The following NFAT5 variants were observed in gnomAD, a reference collection of about 807,000 sequenced individuals.
The protein encoded by NFAT5 is nuclear factor of activated T-cells 5.
A neutral mutation model predicts 166.5 loss-of-function variants in NFAT5; 31 were observed. The ratio of observed to expected loss-of-function variants is 0.19; its 90% CI spans 0.14 to 0.25. The LOEUF is 0.25. Ranked by LOEUF, NFAT5 falls within the 10% of genes least tolerant of loss-of-function variation. The probability of loss-of-function intolerance (pLI) is 1.00; values close to 1 mark genes in which losing one functional copy is unlikely to be tolerated. For synonymous variants in NFAT5, 612 were observed against 639.7 expected (o/e 0.96, Z 0.65); for missense variants, 1,449 against 1,821.8 (o/e 0.80, Z 3.72).
intron 3 of NFAT5, among the ~76,000 whole-genome samples, chr16:69,644,605 T>C (rs888321697): frequency 2.6e-5 from 4 of 152,238 alleles, no homozygotes; most frequent in Admixed American, 6.5e-5. Context: ...CACACACTTA[T>C]GTCTGACTGT....
intron 4 of NFAT5, chr16:69,649,131 C>A: frequency 1.1e-6 from 1 of 880,200 alleles, no homozygotes; most frequent in Non-Finnish European, 1.4e-6. Flanking sequence ...AGAACTATTA[C>A]TTATAAAATA....
At chr16:69,625,962 T>A (rs3848279) in intron 2 of NFAT5, among the ~76,000 whole-genome samples, 40,493 of 146,100 alleles carry the variant, frequency 0.28, 5,742 homozygotes, top group East Asian at 0.5. Flanking sequence ...AATAAAAAAA[T>A]TTTTTTTTTT....
At chr16:69,622,884 G>A (rs1433552244) in intron 2 of NFAT5, among the ~76,000 whole-genome samples, 8 of 151,074 alleles carry the variant, frequency 5.3e-5, no homozygotes, top group East Asian at 1.9e-4. Context: ...GGTGGCTCAC[G>A]CCTGTAATCC....
At chr16:69,593,335 TA>T (rs1221116230) in intron 2 of NFAT5, among the ~76,000 whole-genome samples, 1 of 152,112 alleles carries the variant, frequency 6.6e-6, no homozygotes, top group Non-Finnish European at 1.5e-5. Context: ...ACTTCTTTTT[TA>T]AAAAAAAATT....
chr16:69,656,363 T>A (rs1019710132), intron 6 of NFAT5, among the ~76,000 whole-genome samples: 2 of 151,750 alleles, frequency 1.3e-5, no homozygotes, highest in Non-Finnish European at 2.9e-5. Flanking sequence ...AAAGACTTAC[T>A]TTTTTGGGTT....
intron 11 of NFAT5, among the ~76,000 whole-genome samples, chr16:69,689,719 A>G (rs978237903): frequency 6.6e-6 from 1 of 152,016 alleles, no homozygotes; most frequent in Non-Finnish European, 1.5e-5. Flanking sequence ...TAATTTTTGT[A>G]TTTTTAGTAG....
chr16:69,682,231 C>T (rs1474636717), intron 10 of NFAT5, among the ~76,000 whole-genome samples: 3 of 150,272 alleles, frequency 2.0e-5, no homozygotes, highest in African/African-American at 4.9e-5. Flanking sequence ...ACAAAAATCA[C>T]ACATTATTTG....
chr16:69,657,873 C>G lies in NFAT5; in HGVS notation c.1197-1854C>G, dbSNP rs182357322. On this transcript the variant is annotated intron_variant, in intron 6 of 14. Transcript: ENST00000349945. ...GGCCGAGGCAGGCGGATCACGAGGTCAGGAGATCGAGACCATCCTGGCTGT... is the reference window on the plus strand; with the variant it reads ...GGCCGAGGCAGGCGGATCACGAGGTGAGGAGATCGAGACCATCCTGGCTGT... Among the ~76,000 whole-genome samples, 848 of 150,942 alleles carry G rather than the reference C, an allele frequency of 5.6e-3. 7 individuals are homozygous for G. The highest frequency in any genetic ancestry group is 0.019 in the African/African-American group (795 of 41,194).
At chr16:69,628,559 A>G (rs1353514536) in intron 3 of NFAT5, among the ~76,000 whole-genome samples, 1 of 152,198 alleles carries the variant, frequency 6.6e-6, no homozygotes, top group African/African-American at 2.4e-5. Flanking sequence ...ACCATTATAA[A>G]CAAGAGAGTT....
intron 3 of NFAT5, among the ~76,000 whole-genome samples, chr16:69,634,040 G>GA (rs1339165012): frequency 6.6e-6 from 1 of 151,716 alleles, no homozygotes; most frequent in Non-Finnish European, 1.5e-5. Context: ...CACTTTGGGG[G>GA]GCCGAGGCGG....
In NFAT5 at chr16:69,677,345, A is replaced by C; in HGVS notation, c.1690+10A>C. 1.9e-6 allele frequency: 3 copies of C among 1,553,198 alleles called. No homozygotes were observed. Among genetic ancestry groups the C allele is most frequent in the Non-Finnish European group, 2.6e-6 (3 of 1,154,296 alleles). On this transcript the variant is annotated intron_variant, in intron 10 of 14. Transcript: ENST00000349945. ...TACACTCCAGACCCAGGTATGTCAA[A>C]ATGAAAAATTCAGAACTAAAACAAA...
intron 9 of NFAT5, among the ~76,000 whole-genome samples, chr16:69,672,040 C>T (rs2036642817): frequency 6.6e-6 from 1 of 152,230 alleles, no homozygotes; most frequent in African/African-American, 2.4e-5. Flanking sequence ...TCACACAAGA[C>T]ATTGCAGGAA....
Position 69,647,402 on chromosome 16 carries a change from AATG to A in NFAT5, c.631_633del (p.Asp211del). 2.5e-6 allele frequency: 4 copies of A among 1,614,166 alleles called. No individual in the cohort carries two copies. Among genetic ancestry groups the A allele is most frequent in the Non-Finnish European group, 3.4e-6 (4 of 1,180,016 alleles). The stretch of plus-strand genomic sequence containing the variant: ...CAGTAACATGAGCACCAGTTCCTAC[AATG>A]ATAACACTGAGGTACCTCGTAAATC... On this transcript the variant is annotated inframe_deletion, in exon 4 of 15. Coordinates refer to ENST00000349945, the MANE Select transcript of NFAT5 (RefSeq NM_138713.4). This position sits in a 1 kb window ranked among gnomAD's most constrained non-coding sequence, Gnocchi z 4.8.
intron 2 of NFAT5, among the ~76,000 whole-genome samples, chr16:69,626,184 C>G (rs991821250): frequency 1.3e-5 from 2 of 151,282 alleles, no homozygotes; most frequent in African/African-American, 4.9e-5. Flanking sequence ...AATTCCTGGC[C>G]TCAAGCAATC....
chr16:69,693,906 C>A lies in NFAT5; in HGVS notation c.4081C>A (p.Gln1361Lys). 1 of 1,614,242 alleles carries A rather than the reference C, an allele frequency of 6.2e-7. No individual in the cohort carries two copies. Among genetic ancestry groups the A allele is most frequent in the East Asian group, 2.2e-5 (1 of 44,892 alleles). The change falls in exon 13 of 15, where the codon CAG (glutamine) becomes AAG (lysine). Residue 1361 changes from glutamine (Q) to lysine (K), a missense_variant. Coordinates refer to ENST00000349945, the MANE Select transcript of NFAT5 (RefSeq NM_138713.4). ...VSSLQNPGPT[Q>K]SESSQTPLFH... is the part of the protein sequence containing the mutation. ...CTCACTTCAGAACCCAGGTCCTACCCAGTCGGAATCATCACAGACCCCCTT... is the reference window on the plus strand; with the variant it reads ...CTCACTTCAGAACCCAGGTCCTACCAAGTCGGAATCATCACAGACCCCCTT...
chr16:69,659,972 T>G, intron 7 of NFAT5, 73 bp downstream of exon 7: 9 of 1,260,488 alleles, frequency 7.1e-6, no homozygotes, highest in Non-Finnish European at 9.8e-6. Context: ...TAGACATCTC[T>G]AAATTTTAGA....
intron 3 of NFAT5, among the ~76,000 whole-genome samples, chr16:69,630,591 G>T (rs560875430): frequency 6.6e-6 from 1 of 152,168 alleles, no homozygotes; most frequent in Non-Finnish European, 1.5e-5. Flanking sequence ...CATTTTGTAA[G>T]TTCTCAGTAA....
At position 69,684,954 on chromosome 16, in the gene NFAT5, T is replaced by G; in HGVS notation, c.1758T>G (p.Phe586Leu). 6.2e-7 allele frequency: 1 copy of G among 1,610,864 alleles called. No homozygotes were observed. The highest frequency in any genetic ancestry group is 8.5e-7 in the Non-Finnish European group (1 of 1,178,586). ...CTAGTCCAGCAAGACCTTGCTCTTT[T>G]GAAGAGGCCATGAAAGGTACCAAGT... ...EISSPARPCS[F>L]EEAMKAMKTT... Residue 586 changes from phenylalanine (F) to leucine (L), a missense_variant, in exon 11 of 15, where the codon TTT becomes TTG. Physicochemically the swap from Phe to Leu is conservative, Grantham distance 22. This residue lies in a region of NFAT5 where 245 missense variants were observed against 366.6 expected (regional missense o/e 0.67). Coordinates refer to ENST00000349945, the MANE Select transcript of NFAT5 (RefSeq NM_138713.4).
rs777334615 is a variant in NFAT5 at position 69,693,850 on chromosome 16, C to T, written c.4025C>T (p.Pro1342Leu). 1.9e-6 allele frequency: 3 copies of T among 1,614,168 alleles called. No individual in the cohort carries two copies. In the East Asian group the frequency reaches 6.7e-5, roughly 36 times the overall value. ...NMAPMNQEQQ[P>L]MQFQSQSTVS... ...GCCCCAATGAATCAAGAGCAACAGC[C>T]CATGCAATTTCAGAGTCAGTCCACA... Residue 1342 changes from proline to leucine, a missense_variant, in exon 13 of 15, where the codon CCC becomes CTC. Physicochemically the swap from Pro to Leu is moderately conservative, Grantham distance 98 (BLOSUM62 -3). Around this residue, in one of 7 missense-constraint regions of NFAT5, gnomAD observed 891 missense variants for 993.0 expected, o/e 0.90. Transcript: ENST00000349945.
Sources: allele counts gnomAD v4.1 joint callset (sites outside exome capture counted in the v4.1 genomes callset), GRCh38; gene constraint gnomAD v4.1.1; regional missense constraint gnomAD v4.1.1; non-coding constraint Gnocchi (gnomAD v3.1); transcripts MANE v1.5; gene names NCBI Gene and HGNC (gene_info 2026-07-23, HGNC 2026-07-21).